The following MSRA variants were observed in gnomAD, a reference collection of about 807,000 sequenced individuals.
MSRA encodes the protein mitochondrial peptide methionine sulfoxide reductase.
A neutral mutation model predicts 31.3 loss-of-function variants in MSRA; 54 were observed. The ratio of observed to expected loss-of-function variants is 1.73; its 90% CI spans 1.39 to 2.17. MSRA has a LOEUF of 2.17. MSRA is among the 30% of genes most tolerant of loss of function. The probability of loss-of-function intolerance (pLI) is 0.00; values close to 1 mark genes in which losing one functional copy is unlikely to be tolerated. For synonymous variants in MSRA, 169 were observed against 116.5 expected, an observed-to-expected ratio of 1.45 and a Z score of -2.90; for missense variants, 507 against 300.9, an observed-to-expected ratio of 1.69 and a Z score of -5.07.
intron 5 of MSRA, among the ~76,000 whole-genome samples, chr8:10,349,033 A>C (rs1803964015): frequency 6.6e-6 from 1 of 152,216 alleles, no homozygotes. Flanking sequence ...CCAGCCTAAG[A>C]GAATGGAATA....
At position 10,155,002 on chromosome 8, in the gene MSRA, T is replaced by TATATATATATATATATATATATATATA. The variant is rs1554468813; in HGVS notation, c.143-52831_143-52830insATATATATATATATATATATATATATA. Among the ~76,000 whole-genome samples the TATATATATATATATATATATATATATA allele has an allele frequency of 2.7e-3, 335 of 123,862 alleles. 17 individuals are homozygous for TATATATATATATATATATATATATATA. The highest frequency in any genetic ancestry group is 0.012 in the South Asian group (41 of 3,484). The allele number at this position is 123,862 out of a possible 152,430, so 81.3% of individuals were successfully genotyped here. The stretch of plus-strand genomic sequence containing the variant: ...AATAGTTTGATAATGTGTATATATT[T>TATATATATATATATATATATATATATA]TATATATATATAGGTTTTACCTTGC... On this transcript the variant is annotated intron_variant, in intron 1 of 5. Coordinates refer to ENST00000317173, the MANE Select transcript of MSRA (RefSeq NM_012331.5).
At chr8:10,117,025 A>T (rs1374662843) in intron 1 of MSRA, among the ~76,000 whole-genome samples, 1 of 152,166 alleles carries the variant, frequency 6.6e-6, no homozygotes, top group Non-Finnish European at 1.5e-5. Flanking sequence ...ATGGTTGGTT[A>T]ACTGTATGGA....
chr8:10,132,804 C>A (rs929223985), intron 1 of MSRA, among the ~76,000 whole-genome samples: 1 of 152,180 alleles, frequency 6.6e-6, no homozygotes, highest in Non-Finnish European at 1.5e-5. Context: ...TACCCGGAGT[C>A]ATAAAATAGA....
Position 10,216,989 on chromosome 8 carries a change from C to T in MSRA, c.211+9088C>T, listed in dbSNP as rs375401106. Among the ~76,000 whole-genome samples the T allele has an allele frequency of 9.8e-5, 15 of 152,310 alleles. No individual in the cohort carries two copies. In the East Asian group the frequency reaches 2.3e-3, roughly 24 times the overall value. The stretch of plus-strand genomic sequence containing the variant: ...TTTTGAGGAGCTGCCATATCATTTT[C>T]CAAAACGGCTATACTTTTACATTCC... On this transcript the variant is annotated intron_variant, in intron 2 of 5. Transcript: ENST00000317173.
At chr8:10,226,878 C>A (rs4541928) in intron 2 of MSRA, among the ~76,000 whole-genome samples, 3 of 152,122 alleles carry the variant, frequency 2.0e-5, no homozygotes, top group African/African-American at 7.2e-5. Context: ...TTTGATTCTT[C>A]TGGACCGTGG....
intron 3 of MSRA, among the ~76,000 whole-genome samples, chr8:10,259,233 G>A (rs575042007): frequency 6.6e-6 from 1 of 152,262 alleles, no homozygotes; most frequent in South Asian, 2.1e-4. Flanking sequence ...GCAAAACTGA[G>A]GGAATTTTAA....
intron 5 of MSRA, among the ~76,000 whole-genome samples, chr8:10,364,867 G>C (rs1232240107): frequency 6.6e-6 from 1 of 152,150 alleles, no homozygotes; most frequent in Admixed American, 6.5e-5. Context: ...AATTTCATGT[G>C]CGTGGGTCTT....
At chr8:10,145,986 A>C (rs2129033570) in intron 1 of MSRA, among the ~76,000 whole-genome samples, 1 of 152,326 alleles carries the variant, frequency 6.6e-6, no homozygotes, top group South Asian at 2.1e-4. Context: ...ACAGTGGAGA[A>C]AATTTGTAAA....
At chr8:10,184,546 T>C (rs1490141612) in intron 1 of MSRA, among the ~76,000 whole-genome samples, 1 of 152,196 alleles carries the variant, frequency 6.6e-6, no homozygotes, top group Non-Finnish European at 1.5e-5. Context: ...ATTATTATTT[T>C]TAACACTTCC....
Position 10,084,385 on chromosome 8 carries a change from A to C in MSRA, c.142+29727A>C, listed in dbSNP as rs532027675. ...CTGCCCGGCTCCACTGACTCATAGGATCTGATGCTTGGATCGTTGTAATAG... is the reference window on the plus strand; with the variant it reads ...CTGCCCGGCTCCACTGACTCATAGGCTCTGATGCTTGGATCGTTGTAATAG... On this transcript the variant is annotated intron_variant, in intron 1 of 5. Transcript: ENST00000317173. 6.7e-4 allele frequency among the ~76,000 whole-genome samples: 102 copies of C among 152,330 alleles called. 1 individual carries two copies. Among genetic ancestry groups the C allele is most frequent in the South Asian group, 3.9e-3 (19 of 4,824 alleles).
intron 1 of MSRA, among the ~76,000 whole-genome samples, chr8:10,100,190 G>C (rs1412015780): frequency 6.6e-6 from 1 of 152,182 alleles, no homozygotes; most frequent in Non-Finnish European, 1.5e-5. Flanking sequence ...GGCTGCATGG[G>C]GGGATGTAAA....
intron 1 of MSRA, among the ~76,000 whole-genome samples, chr8:10,158,052 G>C (rs918308460): frequency 1.3e-5 from 2 of 152,156 alleles, no homozygotes; most frequent in African/African-American, 2.4e-5. Context: ...TGTCTGATGA[G>C]GGCACACTTC....
intron 2 of MSRA, among the ~76,000 whole-genome samples, chr8:10,237,853 C>T (rs1019164031): frequency 6.6e-6 from 1 of 152,204 alleles, no homozygotes; most frequent in Non-Finnish European, 1.5e-5. Flanking sequence ...GTCTAAACCA[C>T]CATTATCTCT....
rs147050122 is a variant in MSRA at position 10,206,046 on chromosome 8, G to A, written c.143-1787G>A. Among the ~76,000 whole-genome samples the A allele has an allele frequency of 5.5e-4, 84 of 152,102 alleles. No homozygotes were observed. In the East Asian group the frequency reaches 0.014, roughly 24 times the overall value. On this transcript the variant is annotated intron_variant, in intron 1 of 5. Coordinates refer to ENST00000317173, the MANE Select transcript of MSRA (RefSeq NM_012331.5). ...ATTATGTGTATCACCTTTTCTTCTC[G>A]TGTGTTTTTTTCTTAAGGTGTATTC...
At chr8:10,228,248 C>A (rs1406134363) in intron 2 of MSRA, among the ~76,000 whole-genome samples, 1 of 152,130 alleles carries the variant, frequency 6.6e-6, no homozygotes, top group Non-Finnish European at 1.5e-5. Flanking sequence ...CTTTTGTTGC[C>A]CTGGTCAGAG....
intron 3 of MSRA, among the ~76,000 whole-genome samples, chr8:10,267,215 A>G (rs1277753270): frequency 6.6e-6 from 1 of 152,176 alleles, no homozygotes; most frequent in Non-Finnish European, 1.5e-5. Context: ...ACAGTGCTTA[A>G]TCATGTAATT....
chr8:10,408,951 C>T (rs1807990203), intron 5 of MSRA, among the ~76,000 whole-genome samples: 1 of 152,130 alleles, frequency 6.6e-6, no homozygotes, highest in Admixed American at 6.6e-5. Flanking sequence ...GCCACATTTT[C>T]TTTTTCCGTT....
At chr8:10,311,869 A>G (rs371730991) in intron 4 of MSRA, among the ~76,000 whole-genome samples, 11 of 152,324 alleles carry the variant, frequency 7.2e-5, no homozygotes, top group South Asian at 4.1e-4. Flanking sequence ...GTGAGCCATG[A>G]TTGTGCCACT....
At chr8:10,158,070 A>T (rs1222541464) in intron 1 of MSRA, among the ~76,000 whole-genome samples, 3 of 152,198 alleles carry the variant, frequency 2.0e-5, no homozygotes, top group African/African-American at 7.2e-5. Context: ...TTCCTGCTTC[A>T]TAGATGGCAC....
Sources: allele counts gnomAD v4.1 joint callset (sites outside exome capture counted in the v4.1 genomes callset), GRCh38; gene constraint gnomAD v4.1.1; transcripts MANE v1.5; gene names NCBI Gene and HGNC (gene_info 2026-07-23, HGNC 2026-07-21).